PRKG1: variants seen among roughly 807,000 people sequenced by gnomAD.
PRKG1 encodes protein kinase cGMP-dependent 1, also known as cGMP-dependent protein kinase 1.
PRKG1 carries 35 observed loss-of-function variants against 88.1 expected under a neutral mutation model. The ratio of observed to expected loss-of-function variants is 0.40; its 90% CI spans 0.30 to 0.53. The LOEUF is 0.53. Ranked by LOEUF, PRKG1 falls within the 20% of genes least tolerant of loss-of-function variation. PRKG1 has a pLI of 0.59. For missense variants in PRKG1, 540 were observed against 839.8 expected, an observed-to-expected ratio of 0.64 and a Z score of 4.41; for synonymous variants, 303 against 292.5, an observed-to-expected ratio of 1.04 and a Z score of -0.37.
At chr10:50,993,616 G>A (rs902301462) in intron 1 of PRKG1, among the ~76,000 whole-genome samples, 12 of 152,190 alleles carry the variant, frequency 7.9e-5, no homozygotes, top group Admixed American at 5.9e-4. Flanking sequence ...GGGCTGCCGG[G>A]CTAGGGCTTT....
intron 3 of PRKG1, among the ~76,000 whole-genome samples, chr10:51,653,713 TG>T (rs756392295): frequency 6.6e-5 from 10 of 151,902 alleles, no homozygotes; most frequent in Non-Finnish European, 1.0e-4. Flanking sequence ...ACTACAGGCA[TG>T]TATCACCATG....
intron 2 of PRKG1, among the ~76,000 whole-genome samples, chr10:51,447,614 A>T (rs1839312803): frequency 1.0e-5 from 1 of 97,800 alleles, no homozygotes; most frequent in African/African-American, 6.1e-5. Context: ...TTCACCCACC[A>T]TTTCCATTTC....
chr10:51,013,716 T>C (rs1272578754), intron 1 of PRKG1, among the ~76,000 whole-genome samples: 1 of 152,150 alleles, frequency 6.6e-6, no homozygotes, highest in Non-Finnish European at 1.5e-5. Flanking sequence ...AAAGAATCTA[T>C]AATATAAGCC....
intron 2 of PRKG1, chr10:51,245,167 C>T (rs1839257447): frequency 6.6e-6 from 1 of 152,034 alleles, no homozygotes; most frequent in South Asian, 2.1e-4. Context: ...TATAAGACAG[C>T]CCATAAGACA....
At chr10:51,999,926 A>G (rs371411289) in intron 5 of PRKG1, among the ~76,000 whole-genome samples, 3 of 152,140 alleles carry the variant, frequency 2.0e-5, no homozygotes, top group East Asian at 3.8e-4. Flanking sequence ...AATATGGATC[A>G]GAAGTTTGGC....
chr10:52,071,697 A>G (rs1376704118), intron 7 of PRKG1, among the ~76,000 whole-genome samples: 3 of 149,996 alleles, frequency 2.0e-5, no homozygotes, highest in African/African-American at 7.4e-5. Flanking sequence ...TGGTGTTTTT[A>G]TTTTCTACCA....
chr10:52,092,166 T>G (rs934759981), intron 7 of PRKG1, among the ~76,000 whole-genome samples: 2 of 152,170 alleles, frequency 1.3e-5, no homozygotes, highest in Admixed American at 6.5e-5. Context: ...TATGCCTTAA[T>G]TTTACCTGTT....
intron 2 of PRKG1, among the ~76,000 whole-genome samples, chr10:51,412,184 A>T (rs1028359272): frequency 1.8e-4 from 13 of 71,170 alleles, no homozygotes; most frequent in African/African-American, 6.5e-4. Context: ...AGAGAGTGAG[A>T]GAGAGAGAGA....
chr10:52,096,796 T>C (rs1226317711), intron 7 of PRKG1, among the ~76,000 whole-genome samples: 1 of 152,168 alleles, frequency 6.6e-6, no homozygotes, highest in Non-Finnish European at 1.5e-5. Context: ...AAAATTAAAG[T>C]GAACTCCCTT....
intron 1 of PRKG1, among the ~76,000 whole-genome samples, chr10:51,065,878 G>A (rs991340201): frequency 2.0e-5 from 3 of 152,060 alleles, no homozygotes; most frequent in Admixed American, 1.3e-4. Flanking sequence ...GTTAGAATGC[G>A]TAATATATAA....
chr10:52,148,661 C>G (rs1837801483), intron 8 of PRKG1, among the ~76,000 whole-genome samples: 1 of 152,100 alleles, frequency 6.6e-6, no homozygotes, highest in Admixed American at 6.6e-5. Context: ...GTGATCAGCA[C>G]AGAGCCCCTT....
intron 9 of PRKG1, among the ~76,000 whole-genome samples, chr10:52,223,459 A>T (rs1014325536): frequency 7.2e-5 from 11 of 152,192 alleles, no homozygotes; most frequent in African/African-American, 2.6e-4. Flanking sequence ...CATCTCTGCT[A>T]CTTTGGTTGG....
chr10:51,326,261 T>G (rs1321110974), intron 2 of PRKG1, among the ~76,000 whole-genome samples: 2 of 152,222 alleles, frequency 1.3e-5, no homozygotes, highest in African/African-American at 4.8e-5. Flanking sequence ...CTGGAAGAAG[T>G]TTAAATGCAA....
intron 3 of PRKG1, among the ~76,000 whole-genome samples, chr10:51,535,020 A>G (rs558190429): frequency 8.6e-4 from 131 of 152,332 alleles, no homozygotes; most frequent in Non-Finnish European, 1.4e-3. Context: ...CCCTTTATGA[A>G]TATGAATTAT....
In PRKG1 at chr10:51,587,077, A is replaced by G. The variant is rs182447125; in HGVS notation, c.592+119241A>G. 2.0e-5 allele frequency among the ~76,000 whole-genome samples: 3 copies of G among 152,248 alleles called. No individual in the cohort carries two copies. The East Asian group carries it at 5.8e-4, about 29-fold the overall frequency. On this transcript the variant is annotated intron_variant, in intron 3 of 17. Transcript: ENST00000373980. Reference sequence around the variant, plus strand: ...TCACTGTGTCCTTTAATATTCACTTATTAAACGTTTTTCTAGGAACAACAT... The same window carrying G: ...TCACTGTGTCCTTTAATATTCACTTGTTAAACGTTTTTCTAGGAACAACAT...
chr10:51,926,975 T>G (rs938478044), intron 5 of PRKG1, among the ~76,000 whole-genome samples: 6 of 152,146 alleles, frequency 3.9e-5, no homozygotes, highest in Non-Finnish European at 8.8e-5. Context: ...CCATGAATTT[T>G]CAGTTTGTTC....
At chr10:51,799,917 A>G (rs188333475) in intron 3 of PRKG1, among the ~76,000 whole-genome samples, 38 of 152,188 alleles carry the variant, frequency 2.5e-4, no homozygotes, top group African/African-American at 8.9e-4. Context: ...AATACATAGG[A>G]TAACAAAGAA....
chr10:52,052,181 G>A (rs1355415550), intron 5 of PRKG1, among the ~76,000 whole-genome samples: 1 of 152,102 alleles, frequency 6.6e-6, no homozygotes, highest in Non-Finnish European at 1.5e-5. Context: ...AGACAATACA[G>A]TTATAGAACA....
chr10:51,425,597 C>T (rs1377854296), intron 2 of PRKG1, among the ~76,000 whole-genome samples: 6 of 152,110 alleles, frequency 3.9e-5, no homozygotes, highest in African/African-American at 1.2e-4. Flanking sequence ...GGAGGCCTGG[C>T]TTGGGGTTCA....
Sources: gnomAD v4.1 joint callset for allele counts (sites outside exome capture counted in the v4.1 genomes callset) on GRCh38, gnomAD v4.1.1 for gene constraint, MANE v1.5 for transcripts, NCBI Gene and HGNC (gene_info 2026-07-23, HGNC 2026-07-21) for gene names.